FRYL: variants seen among roughly 807,000 people sequenced by gnomAD.
FRYL encodes FRY like transcription coactivator.
FRYL carries 150 observed loss-of-function variants against 351.2 expected under a neutral mutation model. The ratio of observed to expected loss-of-function variants is 0.43; its 90% CI spans 0.37 to 0.49. The LOEUF is 0.49. Among genes scored for constraint, FRYL ranks in the 20% least tolerant of loss-of-function variants. The pLI is 0.00. For missense variants in FRYL, 3,036 were observed against 3,619.3 expected (o/e 0.84, Z 4.13); for synonymous variants, 1,153 against 1,257.1 (o/e 0.92, Z 1.75).
At chr4:48,735,939 T>A (rs1578873839) in intron 1 of FRYL, among the ~76,000 whole-genome samples, 2 of 94,548 alleles carry the variant, frequency 2.1e-5, no homozygotes, top group African/African-American at 4.4e-5. Flanking sequence ...ACCTGCACAA[T>A]GTGCACATGT....
chr4:48,684,101 G>C (rs1446113522), intron 3 of FRYL, among the ~76,000 whole-genome samples: 4 of 152,172 alleles, frequency 2.6e-5, no homozygotes, highest in Admixed American at 6.5e-5. Context: ...TAAGGTAATA[G>C]GGATAGGATT....
At chr4:48,568,241 G>C (rs1001582214) in intron 27 of FRYL, among the ~76,000 whole-genome samples, 28 of 152,210 alleles carry the variant, frequency 1.8e-4, no homozygotes, top group African/African-American at 6.8e-4. Context: ...CAGAGCAAGA[G>C]CCTGTCTCAA....
intron 7 of FRYL, among the ~76,000 whole-genome samples, chr4:48,613,915 C>T (rs1748772944): frequency 6.9e-6 from 1 of 145,510 alleles, no homozygotes; most frequent in Non-Finnish European, 1.5e-5. Flanking sequence ...GAAATTGCCC[C>T]ACTGTACTCC....
At chr4:48,658,521 G>C (rs1476653063) in intron 3 of FRYL, among the ~76,000 whole-genome samples, 4 of 145,828 alleles carry the variant, frequency 2.7e-5, no homozygotes, top group Non-Finnish European at 5.9e-5. Context: ...AGGACTGCTT[G>C]AGCCCAGGAG....
chr4:48,602,272 A>T, intron 12 of FRYL, 151 bp from the exon 13 acceptor site: 3 of 569,248 alleles, frequency 5.3e-6, no homozygotes, highest in Non-Finnish European at 9.7e-6. Context: ...CTCATAGAAT[A>T]ATCTAACACA....
chr4:48,732,165 A>T (rs898039561), intron 1 of FRYL, among the ~76,000 whole-genome samples: 1 of 152,248 alleles, frequency 6.6e-6, no homozygotes, highest in Non-Finnish European at 1.5e-5. Flanking sequence ...GCCAACAGAC[A>T]TTTGAAAAAA....
At chr4:48,648,232 C>A (rs1404748401) in intron 3 of FRYL, among the ~76,000 whole-genome samples, 1 of 152,052 alleles carries the variant, frequency 6.6e-6, no homozygotes, top group South Asian at 2.1e-4. Context: ...GATGAAATCA[C>A]CCCAATCACT....
At chr4:48,639,986 T>C (rs779381858) in intron 3 of FRYL, among the ~76,000 whole-genome samples, 1 of 152,148 alleles carries the variant, frequency 6.6e-6, no homozygotes, top group Non-Finnish European at 1.5e-5. Context: ...TTAGAATGAC[T>C]AATGTCCAAA....
intron 1 of FRYL, among the ~76,000 whole-genome samples, chr4:48,730,055 G>T (rs559132984): frequency 6.6e-6 from 1 of 152,124 alleles, no homozygotes; most frequent in Non-Finnish European, 1.5e-5. Flanking sequence ...TGATGGAGCT[G>T]AAAACCACAG....
chr4:48,776,428 T>C (rs555941200), intron 1 of FRYL, among the ~76,000 whole-genome samples: 1 of 152,324 alleles, frequency 6.6e-6, no homozygotes, highest in East Asian at 1.9e-4. Flanking sequence ...TTTAAACTTC[T>C]TTACAGTAAG....
chr4:48,616,708 T>A (rs1279426893), intron 7 of FRYL, among the ~76,000 whole-genome samples: 13 of 152,296 alleles, frequency 8.5e-5, no homozygotes, highest in Middle Eastern at 3.4e-3. Flanking sequence ...ATACATGAGG[T>A]CAAAGTCTAA....
intron 2 of FRYL, among the ~76,000 whole-genome samples, chr4:48,699,816 T>C (rs572544174): frequency 6.6e-6 from 1 of 152,264 alleles, no homozygotes; most frequent in African/African-American, 2.4e-5. Flanking sequence ...GTGTTCAGGG[T>C]CATCTGAATT....
chr4:48,604,860 A>G (rs1453142791), intron 11 of FRYL, among the ~76,000 whole-genome samples: 1 of 152,166 alleles, frequency 6.6e-6, no homozygotes, highest in Non-Finnish European at 1.5e-5. Context: ...TCTTCCTACA[A>G]CCTGCTCCTT....
chr4:48,711,755 C>T (rs1452826663), intron 1 of FRYL, among the ~76,000 whole-genome samples: 2 of 152,332 alleles, frequency 1.3e-5, no homozygotes, highest in South Asian at 4.1e-4. Flanking sequence ...AATGGGCAGA[C>T]TGCCTCCTCA....
Position 48,540,007 on chromosome 4 carries a change from A to G in FRYL, c.6357T>C (p.Thr2119=). The change falls in exon 47 of 64, where the codon ACT becomes ACC. Residue 2119 remains threonine, a synonymous_variant. Coordinates refer to ENST00000358350, the MANE Select transcript of FRYL (RefSeq NM_015030.2). ...PHLIQHFDSP[T]QFCKETASRI... is the part of the protein sequence containing the mutation. ...GACTAGCTGTTTCTTTGCAAAACTGAGTTGGGCTGTCAAAATGCTGGATTA... is the reference window on the plus strand; with the variant it reads ...GACTAGCTGTTTCTTTGCAAAACTGGGTTGGGCTGTCAAAATGCTGGATTA... The G allele has an allele frequency of 6.2e-7, 1 of 1,613,280 alleles. No individual in the cohort carries two copies. Among genetic ancestry groups the G allele is most frequent in the Non-Finnish European group, 8.5e-7 (1 of 1,179,560 alleles).
intron 3 of FRYL, among the ~76,000 whole-genome samples, chr4:48,664,223 A>G (rs578252120): frequency 3.9e-5 from 6 of 152,318 alleles, no homozygotes; most frequent in African/African-American, 1.2e-4. Context: ...GTAGATACTG[A>G]AATGCCCAAG....
At chr4:48,660,772 C>G (rs1760549911) in intron 3 of FRYL, among the ~76,000 whole-genome samples, 1 of 152,176 alleles carries the variant, frequency 6.6e-6, no homozygotes, top group Non-Finnish European at 1.5e-5. Flanking sequence ...GGCACTTAAT[C>G]TGTATTCTTC....
chr4:48,502,743 C>T, intron 61 of FRYL, 85 bp downstream of exon 61: 3 of 1,062,230 alleles, frequency 2.8e-6, no homozygotes, highest in Non-Finnish European at 4.3e-6. Context: ...GAAAACATTG[C>T]TGGGTCACAA....
Position 48,609,003 on chromosome 4 carries a change from C to T in FRYL, c.556G>A (p.Val186Ile). Reference sequence around the variant, plus strand: ...AAAACTTACTTTGATTGGGCAAGAACCCCTATCACCTCTGCATATAAATCA... The same window carrying T: ...AAAACTTACTTTGATTGGGCAAGAATCCCTATCACCTCTGCATATAAATCA... ...IADLYAEVIG[V>I]LAQSKFQAVR... Residue 186 changes from valine (V) to isoleucine (I), a missense_variant, in exon 9 of 64, where the codon GTT becomes ATT. Val to Ile is a conservative substitution (Grantham distance 29). Coordinates refer to ENST00000358350, the MANE Select transcript of FRYL (RefSeq NM_015030.2). The T allele has an allele frequency of 6.2e-7, 1 of 1,607,540 alleles. No homozygotes were observed. Among genetic ancestry groups the T allele is most frequent in the Non-Finnish European group, 8.5e-7 (1 of 1,174,614 alleles).
Sources: allele counts gnomAD v4.1 joint callset (sites outside exome capture counted in the v4.1 genomes callset), GRCh38; gene constraint gnomAD v4.1.1; transcripts MANE v1.5; gene names NCBI Gene and HGNC (gene_info 2026-07-23, HGNC 2026-07-21).